Variants in MPHOSPH9 observed in about 807,000 individuals in gnomAD.
The protein encoded by MPHOSPH9 is M-phase phosphoprotein 9.
A neutral mutation model predicts 145.5 loss-of-function variants in MPHOSPH9; 88 were observed. The ratio of observed to expected loss-of-function variants is 0.60; its 90% CI spans 0.51 to 0.72. The LOEUF (loss-of-function observed/expected upper bound fraction) is 0.72, where lower values mean the gene tolerates loss of function less well. MPHOSPH9 is among the 30% of genes least tolerant of loss of function. The pLI is 0.00. For missense variants in MPHOSPH9, 1,238 were observed against 1,386.6 expected (o/e 0.89, Z 1.70); for synonymous variants, 435 against 486.2 (o/e 0.89, Z 1.39).
intron 7 of MPHOSPH9, 150 bp from the exon 8 acceptor site, chr12:123,210,312 A>C: frequency 2.1e-6 from 1 of 486,182 alleles, no homozygotes; most frequent in Non-Finnish European, 3.6e-6. Context: ...AAAGTTATCT[A>C]AATTCCTTAT....
intron 11 of MPHOSPH9, among the ~76,000 whole-genome samples, chr12:123,201,851 G>A (rs1193122563): frequency 1.3e-5 from 2 of 152,126 alleles, no homozygotes; most frequent in African/African-American, 4.8e-5. Context: ...TTAAAAAGGT[G>A]AAGAACTGCC....
At position 123,187,535 on chromosome 12, in the gene MPHOSPH9, C is replaced by A. The variant is rs1328292541; in HGVS notation, c.2242-6325G>T. ...ATATTTGTATGAAACAAAACAAAGC[C>A]AAGAAATAGGCAAAATAATTTTTAC... On this transcript the variant is annotated intron_variant, in intron 13 of 23. Transcript: ENST00000606320. 2.8e-4 allele frequency among the ~76,000 whole-genome samples: 42 copies of A among 152,042 alleles called. No homozygotes were observed. The South Asian group carries it at 8.5e-3, about 31-fold the overall frequency.
At chr12:123,227,880 G>A (rs2047491671) in intron 2 of MPHOSPH9, among the ~76,000 whole-genome samples, 1 of 152,168 alleles carries the variant, frequency 6.6e-6, no homozygotes. Flanking sequence ...GCAGAAAATA[G>A]AAAAAGTCTG....
downstream of MPHOSPH9, chr12:123,152,356 A>G (rs562752231): frequency 2.1e-5 from 7 of 332,064 alleles, no homozygotes; most frequent in South Asian, 1.4e-4. Flanking sequence ...GAGTGCCTGT[A>G]GTGCAAGAAA....
chr12:123,161,026 G>A (rs2044083463), intron 22 of MPHOSPH9, 110 bp downstream of exon 22: 4 of 1,408,186 alleles, frequency 2.8e-6, no homozygotes, highest in African/African-American at 1.4e-5. Flanking sequence ...GCTCTGGTAT[G>A]TTATCCCATT....
At chr12:123,193,469 A>G (rs539438729) in intron 13 of MPHOSPH9, among the ~76,000 whole-genome samples, 30 of 152,102 alleles carry the variant, frequency 2.0e-4, no homozygotes, top group Non-Finnish European at 2.8e-4. Context: ...ATGTATTGTA[A>G]TATCCTGAAA....
rs1397835110 is a variant in MPHOSPH9 at position 123,165,166 on chromosome 12, G to A, written c.2767+136C>T. The A allele has an allele frequency of 2.5e-5, 18 of 724,454 alleles. No homozygotes were observed. The East Asian group carries it at 4.6e-4, about 18-fold the overall frequency. The allele number at this position is 724,454 out of a possible 1,614,324, so 44.9% of individuals were successfully genotyped here. A position where few individuals can be genotyped will look rare whatever the true frequency, so the allele number is the denominator to read the frequency against. ...ATTCAATTCTCTATGAAACGGGGCTGAAGTAGCAGTAAAATAGCAAGTTTA... is the reference window on the plus strand; with the variant it reads ...ATTCAATTCTCTATGAAACGGGGCTAAAGTAGCAGTAAAATAGCAAGTTTA... On this transcript the variant is annotated intron_variant, in intron 18 of 23. Coordinates refer to ENST00000606320, the MANE Select transcript of MPHOSPH9 (RefSeq NM_022782.4).
At chr12:123,187,566 CA>C (rs1407767068) in intron 13 of MPHOSPH9, among the ~76,000 whole-genome samples, 2 of 151,482 alleles carry the variant, frequency 1.3e-5, no homozygotes, top group Non-Finnish European at 2.9e-5. Flanking sequence ...TTTACAAGAG[CA>C]AAAAAACGAG....
chr12:123,241,158 G>GT lies in MPHOSPH9; in HGVS notation c.-159+2694dup, dbSNP rs1263874829. Among the ~76,000 whole-genome samples the GT allele has an allele frequency of 2.6e-3, 347 of 132,670 alleles. 2 individuals are homozygous for GT. Among genetic ancestry groups the GT allele is most frequent in the African/African-American group, 8.6e-3 (320 of 37,352 alleles). 87.0% of individuals were successfully genotyped at this position (132,670 alleles called of 152,430 possible). On this transcript the variant is annotated intron_variant, in intron 1 of 2. Coordinates refer to the MPHOSPH9 transcript ENST00000545406. ...TTGGGGTTGTTTTTTTTTTGTTTTT[G>GT]TTTTTTTTTTAATAAAAGAGATGGA...
intron 21 of MPHOSPH9, among the ~76,000 whole-genome samples, chr12:123,161,646 T>G (rs1425448749): frequency 6.6e-6 from 1 of 151,004 alleles, no homozygotes; most frequent in African/African-American, 2.4e-5. Flanking sequence ...ATAAATGAAC[T>G]TTAAGTAAAC....
At chr12:123,179,547 C>A (rs545247517) in intron 15 of MPHOSPH9, among the ~76,000 whole-genome samples, 3 of 152,014 alleles carry the variant, frequency 2.0e-5, no homozygotes, top group African/African-American at 7.2e-5. Flanking sequence ...TGCACTCCAG[C>A]CTGCGTGACA....
intron 12 of MPHOSPH9, among the ~76,000 whole-genome samples, chr12:123,195,994 C>T (rs2045926792): frequency 1.3e-5 from 2 of 151,662 alleles, no homozygotes; most frequent in Admixed American, 6.6e-5. Flanking sequence ...ATGACGGCTC[C>T]ACAGCACTCT....
intron 15 of MPHOSPH9, 24 bp downstream of exon 15, chr12:123,179,902 C>T (rs1260802455): frequency 1.6e-6 from 2 of 1,250,310 alleles, no homozygotes; most frequent in South Asian, 1.4e-5. Context: ...GGTATGTGTA[C>T]ATTAGTAAGT....
At chr12:123,206,755 C>A (rs1424519668) in intron 8 of MPHOSPH9, among the ~76,000 whole-genome samples, 1 of 150,442 alleles carries the variant, frequency 6.6e-6, no homozygotes, top group African/African-American at 2.4e-5. Flanking sequence ...CTACTAAAAA[C>A]ACAAAAAAAT....
chr12:123,224,844 G>A (rs946644253), intron 3 of MPHOSPH9, among the ~76,000 whole-genome samples: 1 of 152,152 alleles, frequency 6.6e-6, no homozygotes, highest in African/African-American at 2.4e-5. Flanking sequence ...GTCACCAGTG[G>A]AGGTGCTGTA....
intron 16 of MPHOSPH9, among the ~76,000 whole-genome samples, chr12:123,174,648 A>G (rs966096797): frequency 6.6e-6 from 1 of 152,172 alleles, no homozygotes; most frequent in Non-Finnish European, 1.5e-5. Context: ...CTGGGATTAC[A>G]GGCGTGAGCC....
At chr12:123,232,669 G>A (rs28362667) in intron 1 of MPHOSPH9, among the ~76,000 whole-genome samples, 6,066 of 152,230 alleles carry the variant, frequency 0.04, 274 homozygotes, top group East Asian at 0.27. Flanking sequence ...GTGGGAAGGA[G>A]AGGGAGAATC....
intron 13 of MPHOSPH9, among the ~76,000 whole-genome samples, chr12:123,185,922 T>C (rs2138155826): frequency 6.6e-6 from 1 of 152,074 alleles, no homozygotes; most frequent in African/African-American, 2.4e-5. Flanking sequence ...GGATGAAAAG[T>C]ACATTGAGAT....
intron 2 of MPHOSPH9, among the ~76,000 whole-genome samples, chr12:123,228,924 C>T (rs1382578648): frequency 6.6e-6 from 1 of 152,164 alleles, no homozygotes; most frequent in East Asian, 1.9e-4. Flanking sequence ...AATACAAGAA[C>T]CAAAATGCGT....
Sources: allele counts gnomAD v4.1 joint callset (sites outside exome capture counted in the v4.1 genomes callset), GRCh38; gene constraint gnomAD v4.1.1; transcripts MANE v1.5; gene names NCBI Gene and HGNC (gene_info 2026-07-23, HGNC 2026-07-21).